The following SHROOM3 variants were observed in gnomAD, a reference collection of about 807,000 sequenced individuals.
The protein encoded by SHROOM3 is shroom family member 3.
A neutral mutation model predicts 138.6 loss-of-function variants in SHROOM3; 47 were observed. That is an observed-to-expected ratio of 0.34 (90% CI 0.27 to 0.43). The LOEUF (loss-of-function observed/expected upper bound fraction) is 0.43, where lower values mean the gene tolerates loss of function less well. Among genes scored for constraint, SHROOM3 ranks in the 20% least tolerant of loss-of-function variants. The probability of loss-of-function intolerance (pLI) is 1.00; values close to 1 mark genes in which losing one functional copy is unlikely to be tolerated. For missense variants in SHROOM3, 2,491 were observed against 2,596.5 expected (o/e 0.96, Z 0.88); for synonymous variants, 1,062 against 1,063.3 (o/e 1.00, Z 0.02).
chr4:76,477,790 G>A (rs1193418110), intron 1 of SHROOM3, among the ~76,000 whole-genome samples: 1 of 152,142 alleles, frequency 6.6e-6, no homozygotes, highest in Non-Finnish European at 1.5e-5. Flanking sequence ...TCATCTCATT[G>A]GGACTGGTTA....
intron 1 of SHROOM3, among the ~76,000 whole-genome samples, chr4:76,479,107 G>A (rs1241124177): frequency 6.6e-6 from 1 of 151,980 alleles, no homozygotes; most frequent in Non-Finnish European, 1.5e-5. Context: ...GCCAACAAGG[G>A]AACAAAACTG....
Position 76,754,435 on chromosome 4 carries a change from G to A in SHROOM3, c.3952G>A (p.Gly1318Arg). The change falls in exon 7 of 11, where the codon GGA becomes AGA. Residue 1318 changes from glycine to arginine, a missense_variant. Gly to Arg is a moderately radical substitution (Grantham distance 125). This residue lies in a region of SHROOM3 where 1,733 missense variants were observed against 1,661.6 expected (regional missense o/e 1.04). Transcript: ENST00000296043. ...TTCCTCCGTTCCTAGTGAATGTCCT[G>A]GAACCCTGGACCATCAGAGGCAAGC... ...GDSSVPSECP[G>R]TLDHQRQASR... The A allele has an allele frequency of 6.2e-7, 1 of 1,614,082 alleles. No individual in the cohort carries two copies. The highest frequency in any genetic ancestry group is 1.1e-5 in the South Asian group (1 of 91,050).
intron 2 of SHROOM3, among the ~76,000 whole-genome samples, chr4:76,580,564 A>T (rs1003527995): frequency 6.6e-6 from 1 of 150,496 alleles, no homozygotes; most frequent in African/African-American, 2.4e-5. Flanking sequence ...GTAGCTGGGA[A>T]TACAGGCATG....
At chr4:76,646,699 C>A (rs1735829253) in intron 2 of SHROOM3, among the ~76,000 whole-genome samples, 1 of 152,108 alleles carries the variant, frequency 6.6e-6, no homozygotes, top group African/African-American at 2.4e-5. Context: ...AATTAAGGAA[C>A]TTTATTCTGG....
At chr4:76,601,796 G>A (rs1397416397) in intron 2 of SHROOM3, among the ~76,000 whole-genome samples, 1 of 152,120 alleles carries the variant, frequency 6.6e-6, no homozygotes, top group South Asian at 2.1e-4. Context: ...TGTGAGCCAC[G>A]GCGCCCAGCC....
intron 1 of SHROOM3, among the ~76,000 whole-genome samples, chr4:76,551,862 T>C (rs1019669260): frequency 2.6e-5 from 4 of 151,538 alleles, no homozygotes; most frequent in Non-Finnish European, 4.4e-5. Flanking sequence ...AGAAGAATTA[T>C]TATTATTATT....
At chr4:76,774,620 A>T (rs191142247) in intron 10 of SHROOM3, among the ~76,000 whole-genome samples, 3 of 151,866 alleles carry the variant, frequency 2.0e-5, no homozygotes, top group Admixed American at 2.0e-4. Flanking sequence ...AAGGTAGGTG[A>T]TGAAAAAATT....
rs1731170633 is a variant in SHROOM3 at position 76,462,825 on chromosome 4, A to G, written c.168+26605A>G. Among the ~76,000 whole-genome samples, 4 of 151,528 alleles carry G rather than the reference A, an allele frequency of 2.6e-5. No individual in the cohort carries two copies. The South Asian group carries it at 8.3e-4, about 31-fold the overall frequency. ...TGCTTCCCTTTTGCCTTCCACCATG[A>G]TTTTAAATTTCCTGAGGCCGCCCAG... On this transcript the variant is annotated intron_variant, in intron 1 of 10. Coordinates refer to ENST00000296043, the MANE Select transcript of SHROOM3 (RefSeq NM_020859.4).
At chr4:76,524,811 A>G (rs1732656161) in intron 1 of SHROOM3, among the ~76,000 whole-genome samples, 1 of 152,124 alleles carries the variant, frequency 6.6e-6, no homozygotes, top group African/African-American at 2.4e-5. Flanking sequence ...TTAACTGTTA[A>G]CTATCCAGGG....
At chr4:76,446,434 C>T (rs1242544072) in intron 1 of SHROOM3, among the ~76,000 whole-genome samples, 2 of 151,850 alleles carry the variant, frequency 1.3e-5, no homozygotes, top group African/African-American at 4.8e-5. Flanking sequence ...GGGGGATGCA[C>T]ATCTACTTCT....
At chr4:76,703,014 A>T (rs1430185482) in intron 2 of SHROOM3, among the ~76,000 whole-genome samples, 4 of 152,158 alleles carry the variant, frequency 2.6e-5, no homozygotes, top group African/African-American at 9.7e-5. Context: ...ACTGGGGTAT[A>T]TTGTACACCT....
chr4:76,575,964 G>A (rs1049318206), intron 2 of SHROOM3, among the ~76,000 whole-genome samples: 7 of 152,044 alleles, frequency 4.6e-5, no homozygotes, highest in East Asian at 1.9e-4. Flanking sequence ...TCCCACCCCC[G>A]TTAAAATGGC....
At position 76,731,787 on chromosome 4, in the gene SHROOM3, A is replaced by C. The variant is rs61181873; in HGVS notation, c.587+852A>C. ...CAGAGTAAGACTTCATCTCAAAAAA[A>C]AAACAAACAAACAAACAAACAGAAA... is the stretch of plus-strand genomic sequence containing the variant. On this transcript the variant is annotated intron_variant, in intron 4 of 10. Transcript: ENST00000296043. 5.0e-3 allele frequency among the ~76,000 whole-genome samples: 738 copies of C among 147,174 alleles called. 5 individuals carry two copies. Among genetic ancestry groups the C allele is most frequent in the African/African-American group, 0.014 (555 of 39,054 alleles).
intron 3 of SHROOM3, among the ~76,000 whole-genome samples, chr4:76,717,437 C>T (rs1354256589): frequency 6.6e-6 from 1 of 152,034 alleles, no homozygotes; most frequent in African/African-American, 2.4e-5. Flanking sequence ...TCTTTTCTTC[C>T]TTTCCCTCTT....
chr4:76,654,768 C>T (rs1736031541), intron 2 of SHROOM3, among the ~76,000 whole-genome samples: 8 of 152,150 alleles, frequency 5.3e-5, no homozygotes, highest in Admixed American at 5.2e-4. Flanking sequence ...GGGGTGCCAC[C>T]ATCATTGCCT....
intron 2 of SHROOM3, among the ~76,000 whole-genome samples, chr4:76,672,871 C>A (rs139237873): frequency 7.2e-5 from 11 of 152,174 alleles, no homozygotes; most frequent in Admixed American, 5.2e-4. Flanking sequence ...CATGCCCGGC[C>A]GGATACATGC....
At chr4:76,553,121 G>A (rs1733399363) in intron 1 of SHROOM3, among the ~76,000 whole-genome samples, 1 of 152,106 alleles carries the variant, frequency 6.6e-6, no homozygotes, top group South Asian at 2.1e-4. Context: ...GAATAACTTT[G>A]TTGACTGAAT....
chr4:76,502,460 T>TGAACCCTCAACTTGTGGGACC (rs1302879992), intron 1 of SHROOM3, among the ~76,000 whole-genome samples: 9 of 152,158 alleles, frequency 5.9e-5, no homozygotes, highest in African/African-American at 1.7e-4. Flanking sequence ...CTTGTGGGAC[T>TGAACCCTCAACTTGTGGGACC]GAACCCTCAA....
At chr4:76,596,979 A>G (rs1734403902) in intron 2 of SHROOM3, among the ~76,000 whole-genome samples, 1 of 152,166 alleles carries the variant, frequency 6.6e-6, no homozygotes, top group Admixed American at 6.5e-5. Context: ...CTCTGCCTAT[A>G]GCTGAGGAAG....
Sources: allele counts gnomAD v4.1 joint callset (sites outside exome capture counted in the v4.1 genomes callset), GRCh38; gene constraint gnomAD v4.1.1; regional missense constraint gnomAD v4.1.1; transcripts MANE v1.5; gene names NCBI Gene and HGNC (gene_info 2026-07-23, HGNC 2026-07-21).